Variants in FAM81A observed in about 807,000 individuals in gnomAD.
FAM81A encodes the protein family with sequence similarity 81 member A.
In FAM81A, 19 loss-of-function variants were observed where a neutral mutation model predicts 46.7. That is an observed-to-expected ratio of 0.41 (90% CI 0.28 to 0.60). The LOEUF (loss-of-function observed/expected upper bound fraction) is 0.60, where lower values mean the gene tolerates loss of function less well. FAM81A is among the 20% of genes least tolerant of loss of function. The pLI is 0.34. For synonymous variants in FAM81A, 183 were observed against 152.9 expected (o/e 1.20, Z -1.45); for missense variants, 377 against 453.5 (o/e 0.83, Z 1.53).
At chr15:59,508,836 T>C (rs1167836338) in intron 5 of FAM81A, 27 bp from the exon 6 acceptor site, 1 of 1,582,838 alleles carries the variant, frequency 6.3e-7, no homozygotes, top group Admixed American at 1.7e-5. Context: ...TTAGATGTGA[T>C]ATTTATAAGC....
At chr15:59,517,101 A>G (rs1418498311) in intron 8 of FAM81A, among the ~76,000 whole-genome samples, 1 of 152,174 alleles carries the variant, frequency 6.6e-6, no homozygotes, top group Non-Finnish European at 1.5e-5. Flanking sequence ...CATTTTCTTC[A>G]GCACCATCGG....
intron 3 of FAM81A, among the ~76,000 whole-genome samples, chr15:59,465,733 A>G (rs1303590898): frequency 6.6e-6 from 1 of 152,044 alleles, no homozygotes; most frequent in African/African-American, 2.4e-5. Flanking sequence ...TTTAGGGTAC[A>G]TGCGCACAAC....
rs2081276968 is a variant in FAM81A at position 59,439,712 on chromosome 15, T to C, written c.-78+1430T>C. 2.0e-5 allele frequency among the ~76,000 whole-genome samples: 3 copies of C among 152,192 alleles called. No individual in the cohort carries two copies. In the South Asian group the frequency reaches 6.2e-4, roughly 32 times the overall value. Reference sequence around the variant, plus strand: ...TACCTGAGGGCTTAATAACCTTTAATGTGTTACATGTTAGAAATCTGATAG... The same window carrying C: ...TACCTGAGGGCTTAATAACCTTTAACGTGTTACATGTTAGAAATCTGATAG... On this transcript the variant is annotated intron_variant, in intron 1 of 8. Transcript: ENST00000288228.
At chr15:59,520,940 C>T (rs2082321443) in intron 8 of FAM81A, among the ~76,000 whole-genome samples, 1 of 152,156 alleles carries the variant, frequency 6.6e-6, no homozygotes, top group Admixed American at 6.6e-5. Context: ...ATGTTGTGCC[C>T]TGCTCAGGGT....
At chr15:59,517,384 GT>G (rs1330426821) in intron 8 of FAM81A, among the ~76,000 whole-genome samples, 1 of 152,196 alleles carries the variant, frequency 6.6e-6, no homozygotes, top group Non-Finnish European at 1.5e-5. Context: ...TGACCACTAA[GT>G]GGAAGGTACC....
chr15:59,457,575 T>C (rs1156973046), intron 1 of FAM81A, among the ~76,000 whole-genome samples: 1 of 152,206 alleles, frequency 6.6e-6, no homozygotes, highest in Non-Finnish European at 1.5e-5. Flanking sequence ...CTGTAGTCTA[T>C]ATGGCAGAAA....
intron 3 of FAM81A, among the ~76,000 whole-genome samples, chr15:59,477,941 T>C (rs2081793743): frequency 6.6e-6 from 1 of 152,222 alleles, no homozygotes; most frequent in Non-Finnish European, 1.5e-5. Context: ...CCACCAATGA[T>C]CATCATCATT....
chr15:59,413,573 T>C (rs1419063373), intron 2 of FAM81A, among the ~76,000 whole-genome samples: 9 of 152,098 alleles, frequency 5.9e-5, no homozygotes, highest in African/African-American at 2.2e-4. Flanking sequence ...TGAGCCTAAA[T>C]ATGCAAACAG....
intron 2 of FAM81A, among the ~76,000 whole-genome samples, chr15:59,417,553 A>C (rs1302089511): frequency 8.0e-5 from 8 of 100,232 alleles, no homozygotes; most frequent in Non-Finnish European, 1.4e-4. Flanking sequence ...TAAAAATACA[A>C]AAAAAAAAAA....
chr15:59,511,610 C>T (rs1007975136), intron 6 of FAM81A, among the ~76,000 whole-genome samples: 2 of 152,062 alleles, frequency 1.3e-5, no homozygotes, highest in African/African-American at 4.8e-5. Context: ...AAATGTGAAC[C>T]AGGAGCTATG....
At chr15:59,494,998 T>C (rs1472897032) in intron 4 of FAM81A, among the ~76,000 whole-genome samples, 1 of 152,172 alleles carries the variant, frequency 6.6e-6, no homozygotes, top group Admixed American at 6.6e-5. Flanking sequence ...GCCCGATACA[T>C]AGCCTCCTTT....
Position 59,492,135 on chromosome 15 carries a change from C to T in FAM81A, c.295-136C>T, listed in dbSNP as rs4291860. 4.7e-6 allele frequency: 3 copies of T among 638,030 alleles called. No individual in the cohort carries two copies. The African/African-American group carries it at 5.5e-5, about 12-fold the overall frequency. The allele number at this position is 638,030 out of a possible 1,614,324, so 39.5% of individuals were successfully genotyped here. On this transcript the variant is annotated intron_variant, in intron 3 of 8. Coordinates refer to ENST00000288228, the MANE Select transcript of FAM81A (RefSeq NM_152450.3). ...CCCCTAGTTCTCTGTTTAAGTGTGC[C>T]TTAGGTGACTGTTGAAAAGGAGTCT...
intron 1 of FAM81A, among the ~76,000 whole-genome samples, chr15:59,399,274 A>G (rs537392776): frequency 6.6e-6 from 1 of 152,316 alleles, no homozygotes; most frequent in African/African-American, 2.4e-5. Flanking sequence ...ATCATATCCC[A>G]GAAGCTGGAA....
upstream of FAM81A, among the ~76,000 whole-genome samples, chr15:59,433,532 A>G (rs1314936538): frequency 6.6e-6 from 1 of 152,248 alleles, no homozygotes; most frequent in African/African-American, 2.4e-5. Flanking sequence ...ATTCATAAGC[A>G]AAACATAATA....
At chr15:59,481,027 C>T (rs146104159) in intron 3 of FAM81A, among the ~76,000 whole-genome samples, 1 of 152,246 alleles carries the variant, frequency 6.6e-6, no homozygotes, top group Non-Finnish European at 1.5e-5. Context: ...CAGGGTCTTG[C>T]TCTGTTGCTC....
At chr15:59,401,835 T>C in intron 1 of FAM81A, 1 of 739,958 alleles carries the variant, frequency 1.4e-6, no homozygotes, top group Non-Finnish European at 2.5e-6. Context: ...TTGTATTTTC[T>C]CAGCATGGCC....
chr15:59,442,718 A>C (rs1012294015), intron 1 of FAM81A, among the ~76,000 whole-genome samples: 3 of 152,092 alleles, frequency 2.0e-5, no homozygotes, highest in Non-Finnish European at 4.4e-5. Context: ...TCTAAATATT[A>C]ATTTTTACCA....
In FAM81A at chr15:59,514,443, C is replaced by A. The variant is rs1042336523; in HGVS notation, c.786+19C>A. 5 of 1,605,116 alleles carry A rather than the reference C, an allele frequency of 3.1e-6. No homozygotes were observed. Among genetic ancestry groups the A allele is most frequent in the African/African-American group, 1.3e-5 (1 of 74,164 alleles). On this transcript the variant is annotated intron_variant, in intron 7 of 8. Transcript: ENST00000288228. The stretch of plus-strand genomic sequence containing the variant: ...AAACAGTGTAGGTATTGATGTTTAG[C>A]AAAAATTTAGTAAAGTTATTCAGTG...
At chr15:59,495,393 T>G (rs982733173) in intron 4 of FAM81A, among the ~76,000 whole-genome samples, 1 of 152,246 alleles carries the variant, frequency 6.6e-6, no homozygotes, top group African/African-American at 2.4e-5. Context: ...TACCTCATTG[T>G]GTACTGCATT....
Sources: allele counts gnomAD v4.1 joint callset (sites outside exome capture counted in the v4.1 genomes callset), GRCh38; gene constraint gnomAD v4.1.1; transcripts MANE v1.5; gene names NCBI Gene and HGNC (gene_info 2026-07-23, HGNC 2026-07-21).